CERS6: variants seen among roughly 807,000 people sequenced by gnomAD.
CERS6 encodes LAG1 homolog, ceramide synthase 6.
A neutral mutation model predicts 56.8 loss-of-function variants in CERS6; 26 were observed. That is an observed-to-expected ratio of 0.46 (90% CI 0.34 to 0.63). The LOEUF (loss-of-function observed/expected upper bound fraction) is 0.63, where lower values mean the gene tolerates loss of function less well. Among genes scored for constraint, CERS6 ranks in the 30% least tolerant of loss-of-function variants. The probability of loss-of-function intolerance (pLI) is 0.01; values close to 1 mark genes in which losing one functional copy is unlikely to be tolerated. For missense variants in CERS6, 415 were observed against 467.5 expected, an observed-to-expected ratio of 0.89 and a Z score of 1.04; for synonymous variants, 164 against 173.3, an observed-to-expected ratio of 0.95 and a Z score of 0.42.
chr2:168,572,955 T>C (rs1378787547), intron 3 of CERS6, among the ~76,000 whole-genome samples: 2 of 152,174 alleles, frequency 1.3e-5, no homozygotes, highest in Admixed American at 6.6e-5. Flanking sequence ...ACTAGAGGCC[T>C]GACTCTAATT....
chr2:168,749,416 CCCT>C (rs1684196385), intron 8 of CERS6, among the ~76,000 whole-genome samples: 1 of 152,194 alleles, frequency 6.6e-6, no homozygotes, highest in African/African-American at 2.4e-5. Flanking sequence ...AACAGGTATG[CCCT>C]CCTTTTCCCT....
chr2:168,698,293 G>A (rs1686717342), intron 6 of CERS6, among the ~76,000 whole-genome samples: 1 of 148,226 alleles, frequency 6.7e-6, no homozygotes, highest in African/African-American at 2.5e-5. Context: ...CTGAGACTGG[G>A]TAATTTATAA....
chr2:168,674,727 G>A (rs920236665), intron 4 of CERS6, among the ~76,000 whole-genome samples: 1 of 152,104 alleles, frequency 6.6e-6, no homozygotes, highest in African/African-American at 2.4e-5. Flanking sequence ...GAATGGCCTA[G>A]GCCAGCAGAG....
chr2:168,467,569 G>A (rs948790976), intron 1 of CERS6, among the ~76,000 whole-genome samples: 1 of 152,126 alleles, frequency 6.6e-6, no homozygotes, highest in Non-Finnish European at 1.5e-5. Flanking sequence ...AAATGGGTGG[G>A]ATATCAGAAA....
chr2:168,598,602 T>G lies in CERS6; in HGVS notation c.408-32383T>G, dbSNP rs541912360. Among the ~76,000 whole-genome samples, 240 of 152,192 alleles carry G rather than the reference T, an allele frequency of 1.6e-3. 3 individuals carry two copies. Among genetic ancestry groups the G allele is most frequent in the Non-Finnish European group, 3.1e-4 (21 of 67,992 alleles). ...AATATGTGGCAATCCAAGAATATAA[T>G]GCCATCATATCTAATAAAACTACAG... On this transcript the variant is annotated intron_variant, in intron 3 of 9. Transcript: ENST00000305747.
chr2:168,720,898 C>T lies in CERS6; in HGVS notation c.845+2920C>T, dbSNP rs1687347933. 2.0e-5 allele frequency among the ~76,000 whole-genome samples: 3 copies of T among 152,250 alleles called. No individual in the cohort carries two copies. The South Asian group carries it at 6.2e-4, about 32-fold the overall frequency. ...AAAATTATAGAAAGATTTAACCTCA[C>T]CATAAGCAAATTGTAGCTTCCAGAA... is the stretch of plus-strand genomic sequence containing the variant. On this transcript the variant is annotated intron_variant, in intron 8 of 9. Transcript: ENST00000305747.
At chr2:168,727,910 C>G (rs1020481635) in intron 8 of CERS6, among the ~76,000 whole-genome samples, 3 of 152,226 alleles carry the variant, frequency 2.0e-5, no homozygotes, top group Non-Finnish European at 4.4e-5. Flanking sequence ...AGTCTTACAT[C>G]TATCAGCATT....
At chr2:168,737,216 A>G (rs1431354306) in intron 8 of CERS6, among the ~76,000 whole-genome samples, 5 of 152,182 alleles carry the variant, frequency 3.3e-5, no homozygotes, top group African/African-American at 4.8e-5. Flanking sequence ...TGTGTCTGTA[A>G]TACATAAGAG....
chr2:168,764,616 C>T (rs1188787699), intron 8 of CERS6, among the ~76,000 whole-genome samples: 1 of 152,072 alleles, frequency 6.6e-6, no homozygotes, highest in Non-Finnish European at 1.5e-5. Context: ...CTCATATTCT[C>T]ACTTCCACTG....
chr2:168,488,287 A>G (rs1209285607), intron 1 of CERS6, among the ~76,000 whole-genome samples: 1 of 152,206 alleles, frequency 6.6e-6, no homozygotes, highest in Non-Finnish European at 1.5e-5. Flanking sequence ...AATAGCCACT[A>G]TGTATAAATA....
chr2:168,691,226 T>C, intron 5 of CERS6, 142 bp downstream of exon 5: 1 of 713,064 alleles, frequency 1.4e-6, no homozygotes, highest in South Asian at 1.6e-5. Context: ...CTGGACATAA[T>C]CTAGTGAGGA....
intron 4 of CERS6, among the ~76,000 whole-genome samples, chr2:168,652,446 G>A (rs1281785950): frequency 6.6e-6 from 1 of 151,986 alleles, no homozygotes; most frequent in Non-Finnish European, 1.5e-5. Flanking sequence ...CAACACCTGA[G>A]CTGCGTTTCT....
At chr2:168,696,456 C>T (rs1686649702) in intron 6 of CERS6, among the ~76,000 whole-genome samples, 1 of 152,228 alleles carries the variant, frequency 6.6e-6, no homozygotes, top group Admixed American at 6.6e-5. Context: ...TTATCTGCTG[C>T]CTAAGAATTA....
intron 6 of CERS6, among the ~76,000 whole-genome samples, chr2:168,713,130 G>A (rs1687135751): frequency 1.3e-5 from 2 of 151,944 alleles, no homozygotes; most frequent in Admixed American, 1.3e-4. Flanking sequence ...GAACTGTCTA[G>A]AGCATAGTAA....
intron 4 of CERS6, among the ~76,000 whole-genome samples, chr2:168,633,051 C>A (rs1390598307): frequency 6.6e-6 from 1 of 151,892 alleles, no homozygotes; most frequent in East Asian, 1.9e-4. Context: ...TGAGTCTGCA[C>A]GAGGCAGTAA....
chr2:168,517,477 G>C (rs1694902536), intron 1 of CERS6, among the ~76,000 whole-genome samples: 1 of 151,044 alleles, frequency 6.6e-6, no homozygotes, highest in Non-Finnish European at 1.5e-5. Context: ...GGGCGATACA[G>C]CAAGACACTG....
chr2:168,767,158 C>A (rs1684750037), intron 9 of CERS6, among the ~76,000 whole-genome samples: 1 of 152,146 alleles, frequency 6.6e-6, no homozygotes, highest in African/African-American at 2.4e-5. Flanking sequence ...CAACTTATTC[C>A]TTCTACTTTA....
intron 9 of CERS6, among the ~76,000 whole-genome samples, chr2:168,767,233 C>T (rs1057407884): frequency 8.5e-5 from 13 of 152,142 alleles, no homozygotes; most frequent in South Asian, 2.1e-4. Context: ...GCTGCCCTTG[C>T]GGCTCTCACC....
At chr2:168,547,183 C>T (rs1276828048) in intron 1 of CERS6, among the ~76,000 whole-genome samples, 2 of 152,202 alleles carry the variant, frequency 1.3e-5, no homozygotes, top group Non-Finnish European at 2.9e-5. Context: ...AGCGCTCTCT[C>T]TGCATGGATA....
Sources: allele counts gnomAD v4.1 joint callset (sites outside exome capture counted in the v4.1 genomes callset), GRCh38; gene constraint gnomAD v4.1.1; transcripts MANE v1.5; gene names NCBI Gene and HGNC (gene_info 2026-07-23, HGNC 2026-07-21).